FBXW7: variants seen among roughly 807,000 people sequenced by gnomAD.
FBXW7 encodes the protein F-box and WD repeat domain containing 7.
In FBXW7, 11 loss-of-function variants were observed where a neutral mutation model predicts 86.3. The ratio of observed to expected loss-of-function variants is 0.13; its 90% CI spans 0.08 to 0.21. FBXW7 has a LOEUF of 0.21. Among genes scored for constraint, FBXW7 ranks in the 10% least tolerant of loss-of-function variants. The probability of loss-of-function intolerance (pLI) is 1.00; values close to 1 mark genes in which losing one functional copy is unlikely to be tolerated. For synonymous variants in FBXW7, 313 were observed against 297.9 expected (o/e 1.05, Z -0.52); for missense variants, 488 against 847.4 (o/e 0.58, Z 5.27).
intron 7 of FBXW7, among the ~76,000 whole-genome samples, chr4:152,334,434 T>C (rs1199036655): frequency 6.6e-6 from 1 of 152,226 alleles, no homozygotes; most frequent in Non-Finnish European, 1.5e-5. Context: ...CTATGTGGAA[T>C]TGTAATTTAA....
intron 2 of FBXW7, among the ~76,000 whole-genome samples, chr4:152,498,736 G>A (rs968140487): frequency 6.6e-6 from 1 of 152,130 alleles, no homozygotes; most frequent in African/African-American, 2.4e-5. Flanking sequence ...TGCTGGGATG[G>A]TATAAGAAAG....
chr4:152,454,871 A>G (rs1380363495), intron 2 of FBXW7, among the ~76,000 whole-genome samples: 1 of 152,138 alleles, frequency 6.6e-6, no homozygotes, highest in East Asian at 1.9e-4. Context: ...TTATTCTACC[A>G]AACAATGCAC....
chr4:152,377,929 T>C (rs2126764718), intron 4 of FBXW7, among the ~76,000 whole-genome samples: 1 of 152,230 alleles, frequency 6.6e-6, no homozygotes, highest in African/African-American at 2.4e-5. Context: ...CAAAAAGCTA[T>C]ATGCAAAAGA....
At chr4:152,357,524 T>C (rs191608465) in intron 4 of FBXW7, among the ~76,000 whole-genome samples, 2 of 152,154 alleles carry the variant, frequency 1.3e-5, no homozygotes, top group Admixed American at 1.3e-4. Context: ...TTTCACCATG[T>C]TGGCCAGGCT....
At chr4:152,354,813 G>A (rs1004154822) in intron 4 of FBXW7, among the ~76,000 whole-genome samples, 1 of 151,932 alleles carries the variant, frequency 6.6e-6, no homozygotes, top group Non-Finnish European at 1.5e-5. Flanking sequence ...TTTATTACCA[G>A]GTTTGTATGC....
At chr4:152,453,333 A>T (rs553138213) in intron 2 of FBXW7, among the ~76,000 whole-genome samples, 1 of 152,310 alleles carries the variant, frequency 6.6e-6, no homozygotes, top group South Asian at 2.1e-4. Flanking sequence ...CCACAGAGTG[A>T]ATTTTCAAAG....
chr4:152,466,312 T>C (rs1039766287), intron 2 of FBXW7, among the ~76,000 whole-genome samples: 2 of 152,098 alleles, frequency 1.3e-5, no homozygotes, highest in Admixed American at 6.5e-5. Flanking sequence ...TCCCAGCACT[T>C]TGGGAGGCAG....
intron 4 of FBXW7, among the ~76,000 whole-genome samples, chr4:152,352,070 T>A (rs897038445): frequency 2.0e-5 from 3 of 152,058 alleles, no homozygotes; most frequent in Non-Finnish European, 4.4e-5. Flanking sequence ...AAATCCCAAA[T>A]AGTCTCATGA....
chr4:152,359,517 C>G (rs555753847), intron 4 of FBXW7, among the ~76,000 whole-genome samples: 1 of 152,010 alleles, frequency 6.6e-6, no homozygotes, highest in Non-Finnish European at 1.5e-5. Flanking sequence ...GCAGGAGGAT[C>G]GTTTGAGGTT....
chr4:152,368,195 GTTTCC>G (rs1277677942), intron 4 of FBXW7, among the ~76,000 whole-genome samples: 1 of 152,040 alleles, frequency 6.6e-6, no homozygotes, highest in Non-Finnish European at 1.5e-5. Flanking sequence ...ACTTCTGCCT[GTTTCC>G]TTCTCTTCTC....
At chr4:152,442,928 A>G (rs1054241675) in intron 2 of FBXW7, among the ~76,000 whole-genome samples, 1 of 152,212 alleles carries the variant, frequency 6.6e-6, no homozygotes, top group Admixed American at 6.5e-5. Context: ...GCTCATATCT[A>G]ATTAATACAT....
At chr4:152,526,974 A>C (rs1245468730) in intron 2 of FBXW7, among the ~76,000 whole-genome samples, 1 of 152,248 alleles carries the variant, frequency 6.6e-6, no homozygotes, top group African/African-American at 2.4e-5. Context: ...TCAAGTGTTG[A>C]ATTTAAATGT....
At chr4:152,329,841 T>C (rs1729388127) in intron 9 of FBXW7, 56 bp from the exon 10 acceptor site, 1 of 1,015,876 alleles carries the variant, frequency 9.8e-7, no homozygotes, top group Non-Finnish European at 1.4e-6. Flanking sequence ...TTCTTTAAAA[T>C]ACTGGTGAAG....
chr4:152,405,585 C>T lies in FBXW7; in HGVS notation c.501+5718G>A, dbSNP rs1737352698. On this transcript the variant is annotated intron_variant, in intron 4 of 13. Transcript: ENST00000281708. ...AAAAATTCATTTTAAAAAACTCATCCAATTATTCATACTGCCAACTCATTG... is the reference window on the plus strand; with the variant it reads ...AAAAATTCATTTTAAAAAACTCATCTAATTATTCATACTGCCAACTCATTG... Among the ~76,000 whole-genome samples, 3 of 152,212 alleles carry T rather than the reference C, an allele frequency of 2.0e-5. No homozygotes were observed. In the South Asian group the frequency reaches 6.2e-4, roughly 32 times the overall value.
At chr4:152,444,749 T>C (rs1299441319) in intron 2 of FBXW7, among the ~76,000 whole-genome samples, 1 of 152,204 alleles carries the variant, frequency 6.6e-6, no homozygotes, top group Non-Finnish European at 1.5e-5. Flanking sequence ...CTGGATCCCA[T>C]TCCGGTGATT....
At position 152,524,773 on chromosome 4, in the gene FBXW7, CTGTCTAAA is replaced by C. The variant is rs1749349528; in HGVS notation, c.-120+10160_-120+10167del. Among the ~76,000 whole-genome samples, 9 of 152,210 alleles carry C rather than the reference CTGTCTAAA, an allele frequency of 5.9e-5. No homozygotes were observed. The South Asian group carries it at 1.9e-3, about 32-fold the overall frequency. ...TTTAAAAAAAAGGAAATTTTGTTTC[CTGTCTAAA>C]TGTCTAAATCTGGTAATATAAAAGT... is the stretch of plus-strand genomic sequence containing the variant. On this transcript the variant is annotated intron_variant, in intron 2 of 13. Coordinates refer to ENST00000281708, the MANE Select transcript of FBXW7 (RefSeq NM_001349798.2).
In FBXW7 at chr4:152,354,604, A is replaced by G. The variant is rs965956281; in HGVS notation, c.502-4480T>C. Among the ~76,000 whole-genome samples the G allele has an allele frequency of 2.0e-5, 3 of 152,260 alleles. No individual in the cohort carries two copies. The East Asian group carries it at 5.8e-4, about 29-fold the overall frequency. On this transcript the variant is annotated intron_variant, in intron 4 of 13. Coordinates refer to ENST00000281708, the MANE Select transcript of FBXW7 (RefSeq NM_001349798.2). Reference sequence around the variant, plus strand: ...AGTTGAACTAACCTTTTCAAATTAAATCTACTCAGTTAAGAAGAGACCAAC... The same window carrying G: ...AGTTGAACTAACCTTTTCAAATTAAGTCTACTCAGTTAAGAAGAGACCAAC...
intron 2 of FBXW7, among the ~76,000 whole-genome samples, chr4:152,461,841 C>G (rs1418369556): frequency 6.6e-6 from 1 of 152,074 alleles, no homozygotes; most frequent in African/African-American, 2.4e-5. Flanking sequence ...TAAGTCCTCA[C>G]TTAATACCAT....
At chr4:152,340,479 T>C (rs1474923872) in intron 6 of FBXW7, among the ~76,000 whole-genome samples, 1 of 147,394 alleles carries the variant, frequency 6.8e-6, no homozygotes, top group Admixed American at 7.0e-5. Context: ...CTTGGGAGGC[T>C]GATGTAGGAG....
Sources: gnomAD v4.1 joint callset for allele counts (sites outside exome capture counted in the v4.1 genomes callset) on GRCh38, gnomAD v4.1.1 for gene constraint, MANE v1.5 for transcripts, NCBI Gene and HGNC (gene_info 2026-07-23, HGNC 2026-07-21) for gene names.